PCDHA13: variants seen among roughly 807,000 people sequenced by gnomAD.
PCDHA13 encodes protocadherin alpha 13, also known as protocadherin alpha-13.
A neutral mutation model predicts 64.8 loss-of-function variants in PCDHA13; 54 were observed. The observed-to-expected ratio is 0.83, with a 90% CI of 0.67 to 1.04. The LOEUF (loss-of-function observed/expected upper bound fraction) is 1.04, where lower values mean the gene tolerates loss of function less well. Ranked by LOEUF, PCDHA13 falls within the 50% of genes least tolerant of loss-of-function variation. PCDHA13 has a pLI of 0.00. For missense variants in PCDHA13, 1,248 were observed against 1,254.3 expected (o/e 0.99, Z 0.08); for synonymous variants, 587 against 564.4 (o/e 1.04, Z -0.57).
intron 1 of PCDHA13, among the ~76,000 whole-genome samples, chr5:140,952,351 A>G (rs1217158530): frequency 8.3e-6 from 1 of 120,612 alleles, no homozygotes; most frequent in Non-Finnish European, 1.8e-5. Flanking sequence ...AAAAAAAAAA[A>G]AAAGAAAGAA....
At position 140,979,408 on chromosome 5, in the gene PCDHA13, G is replaced by GT. The variant is rs558051720; in HGVS notation, c.2453+411dup. Among the ~76,000 whole-genome samples the GT allele has an allele frequency of 3.0e-3, 447 of 147,714 alleles. 2 individuals carry two copies. Among genetic ancestry groups the GT allele is most frequent in the East Asian group, 0.02 (102 of 5,050 alleles). On this transcript the variant is annotated intron_variant, in intron 2 of 3. Coordinates refer to ENST00000289272, the MANE Select transcript of PCDHA13 (RefSeq NM_018904.3). ...TGTATACATACATGTTGTCTACCTT[G>GT]TTTTTTTTTTAATCTCACATTGGCT...
chr5:140,949,924 A>AT (rs144693243), intron 1 of PCDHA13, among the ~76,000 whole-genome samples: 6 of 151,302 alleles, frequency 4.0e-5, no homozygotes, highest in African/African-American at 7.3e-5. Context: ...CTATTTTTAG[A>AT]TTTTTTTTAA....
At chr5:140,993,437 C>A (rs1193523462) in intron 3 of PCDHA13, among the ~76,000 whole-genome samples, 1 of 150,056 alleles carries the variant, frequency 6.7e-6, no homozygotes, top group Non-Finnish European at 1.5e-5. Context: ...AATCCTTATT[C>A]ATTCCTGTTC....
chr5:140,958,089 C>A (rs2095409002), intron 1 of PCDHA13, among the ~76,000 whole-genome samples: 1 of 151,872 alleles, frequency 6.6e-6, no homozygotes, highest in African/African-American at 2.4e-5. Context: ...TAAAGTTGTA[C>A]AATAGTGTGT....
Position 140,924,861 on chromosome 5 carries a change from C to T in PCDHA13, c.2394+40199C>T, listed in dbSNP as rs150955497. ...AGGGAGCTCAGATCGTGCCACTGCA[C>T]TCCAGCCTGGGTGACAGAGCAAGAA... On this transcript the variant is annotated intron_variant, in intron 1 of 3. Transcript: ENST00000289272. Among the ~76,000 whole-genome samples, 427 of 150,140 alleles carry T rather than the reference C, an allele frequency of 2.8e-3. 1 individual carries two copies. The highest frequency in any genetic ancestry group is 0.01 in the African/African-American group (408 of 40,512).
intron 1 of PCDHA13, among the ~76,000 whole-genome samples, chr5:140,946,992 A>G (rs1393633852): frequency 6.6e-6 from 1 of 151,790 alleles, no homozygotes; most frequent in Non-Finnish European, 1.5e-5. Context: ...TGAGTGTTCT[A>G]ACTTCAAAGA....
At chr5:140,987,316 G>A (rs13153056) in intron 3 of PCDHA13, among the ~76,000 whole-genome samples, 9,624 of 152,218 alleles carry the variant, frequency 0.063, 338 homozygotes, top group East Asian at 0.12. Flanking sequence ...AATGTACTGT[G>A]AAGTTTTAAG....
chr5:140,999,304 C>G (rs1587831145), intron 3 of PCDHA13, among the ~76,000 whole-genome samples: 2 of 152,190 alleles, frequency 1.3e-5, no homozygotes, highest in East Asian at 3.8e-4. Flanking sequence ...TTCAGAATTT[C>G]TTCATGACAG....
At chr5:140,930,209 T>C (rs752393887) in intron 1 of PCDHA13, 4 of 152,266 alleles carry the variant, frequency 2.6e-5, no homozygotes, top group Non-Finnish European at 5.9e-5. Flanking sequence ...GAAATATTTA[T>C]GTGTTCAAAG....
chr5:140,887,632 G>T (rs1554183131), intron 1 of PCDHA13, among the ~76,000 whole-genome samples: 1 of 151,834 alleles, frequency 6.6e-6, no homozygotes, highest in Admixed American at 6.6e-5. Context: ...ATGTTAGTCT[G>T]TTGGGGTTTG....
chr5:140,936,547 A>G (rs1554211059), intron 1 of PCDHA13, among the ~76,000 whole-genome samples: 1 of 152,240 alleles, frequency 6.6e-6, no homozygotes, highest in East Asian at 1.9e-4. Context: ...AGTGCAATGT[A>G]GAAGTCAAGA....
intron 1 of PCDHA13, among the ~76,000 whole-genome samples, chr5:140,941,126 G>T (rs1194807243): frequency 6.6e-6 from 1 of 151,906 alleles, no homozygotes; most frequent in Non-Finnish European, 1.5e-5. Flanking sequence ...GTCCTTTGAA[G>T]TTCCAGCTTA....
At chr5:140,953,058 C>T (rs1186621578) in intron 1 of PCDHA13, among the ~76,000 whole-genome samples, 1 of 152,202 alleles carries the variant, frequency 6.6e-6, no homozygotes, top group African/African-American at 2.4e-5. Flanking sequence ...TCACCTCTCA[C>T]AGGCCCCATC....
At chr5:140,886,830 A>G (rs2061165550) in intron 1 of PCDHA13, among the ~76,000 whole-genome samples, 1 of 150,424 alleles carries the variant, frequency 6.6e-6, no homozygotes, top group Non-Finnish European at 1.5e-5. Flanking sequence ...TCGTCTTGAA[A>G]AAAAAAAAAA....
intron 1 of PCDHA13, among the ~76,000 whole-genome samples, chr5:140,914,476 G>C (rs1054000684): frequency 6.6e-6 from 1 of 152,140 alleles, no homozygotes; most frequent in Non-Finnish European, 1.5e-5. Context: ...CTTCATAGGT[G>C]AAGTGTTTCT....
chr5:140,882,150 C>A lies in PCDHA13; in HGVS notation c.-119C>A. 6.7e-7 allele frequency: 1 copy of A among 1,501,768 alleles called. No homozygotes were observed. Among genetic ancestry groups the A allele is most frequent in the Non-Finnish European group, 8.9e-7 (1 of 1,123,674 alleles). 93.0% of individuals were successfully genotyped at this position (1,501,768 alleles called of 1,614,324 possible). On this transcript the variant is annotated 5_prime_UTR_variant, in exon 1 of 4. Coordinates refer to ENST00000289272, the MANE Select transcript of PCDHA13 (RefSeq NM_018904.3). ...TTCCTGCAGAAAATATAGCAGAAAG[C>A]GGAATACCTCTTGCGAATCCTTCCG...
chr5:140,957,254 A>T (rs2095344725), intron 1 of PCDHA13, among the ~76,000 whole-genome samples: 1 of 152,192 alleles, frequency 6.6e-6, no homozygotes, highest in Non-Finnish European at 1.5e-5. Flanking sequence ...TAAAATTTAA[A>T]TATGTAAGCA....
chr5:140,902,996 A>G (rs2069931370), intron 1 of PCDHA13, among the ~76,000 whole-genome samples: 1 of 152,126 alleles, frequency 6.6e-6, no homozygotes, highest in Admixed American at 6.6e-5. Context: ...TATTTTTGCA[A>G]TTGTGAATTG....
rs554797854 is a variant in PCDHA13 at position 140,884,203 on chromosome 5, C to G, written c.1935C>G (p.His645Gln). 6.2e-7 allele frequency: 1 copy of G among 1,613,518 alleles called. No individual in the cohort carries two copies. The highest frequency in any genetic ancestry group is 1.3e-5 in the African/African-American group (1 of 75,030). Residue 645 changes from histidine (H) to glutamine (Q), a missense_variant, in exon 1 of 4, where the codon CAC (histidine) becomes CAG (glutamine). By Grantham distance (24) the His-to-Gln change is conservative. Transcript: ENST00000289272. The part of the protein sequence containing the change: ...RPLDEVDAPH[H>Q]RLLVLVKDHG... ...TGGACGAGGTGGACGCGCCGCACCACCGCCTTCTGGTGCTGGTGAAGGACC... is the reference window on the plus strand; with the variant it reads ...TGGACGAGGTGGACGCGCCGCACCAGCGCCTTCTGGTGCTGGTGAAGGACC...
Sources: gnomAD v4.1 joint callset for allele counts (sites outside exome capture counted in the v4.1 genomes callset) on GRCh38, gnomAD v4.1.1 for gene constraint, MANE v1.5 for transcripts, NCBI Gene and HGNC (gene_info 2026-07-23, HGNC 2026-07-21) for gene names.